ADAMTS4: variants seen among roughly 807,000 people sequenced by gnomAD.
ADAMTS4 encodes ADAM metallopeptidase with thrombospondin type 1 motif 4, also known as A disintegrin and metalloproteinase with thrombospondin motifs 4.
In ADAMTS4, 38 loss-of-function variants were observed where a neutral mutation model predicts 66.7. The ratio of observed to expected loss-of-function variants is 0.57; its 90% CI spans 0.44 to 0.75. The LOEUF (loss-of-function observed/expected upper bound fraction) is 0.75, where lower values mean the gene tolerates loss of function less well. ADAMTS4 is among the 30% of genes least tolerant of loss of function. The probability of loss-of-function intolerance (pLI) is 0.00; values close to 1 mark genes in which losing one functional copy is unlikely to be tolerated. For synonymous variants in ADAMTS4, 418 were observed against 461.5 expected, an observed-to-expected ratio of 0.91 and a Z score of 1.21; for missense variants, 1,014 against 1,116.7, an observed-to-expected ratio of 0.91 and a Z score of 1.31.
Position 161,196,715 on chromosome 1 carries a change from T to A in ADAMTS4, c.799A>T (p.Thr267Ser), listed in dbSNP as rs1301940748. ...SIRNPVSLVV[T>S]RLVILGSGEE... ...CCTGACCCCAGGATCACTAGCCGAGTCACCACCAAGCTGACAGGATTGCGG... is the reference window on the plus strand; with the variant it reads ...CCTGACCCCAGGATCACTAGCCGAGACACCACCAAGCTGACAGGATTGCGG... Residue 267 changes from threonine (T) to serine (S), a missense_variant, in exon 2 of 9, where the codon ACT becomes TCT. Thr to Ser is a moderately conservative substitution (Grantham distance 58, BLOSUM62 1). Transcript: ENST00000367996. The A allele has an allele frequency of 5.6e-6, 9 of 1,613,688 alleles. No individual in the cohort carries two copies. The highest frequency in any genetic ancestry group is 3.3e-5 in the Admixed American group (2 of 60,000).
intron 3 of ADAMTS4, 98 bp from the exon 4 acceptor site, chr1:161,195,733 C>A: frequency 8.3e-7 from 1 of 1,202,346 alleles, no homozygotes; most frequent in Non-Finnish European, 1.2e-6. Flanking sequence ...TGATCAGATC[C>A]ATTACCCACC....
Position 161,198,138 on chromosome 1 carries a change from G to C in ADAMTS4, c.490C>G (p.Pro164Ala). ...QYRGAELHLQPLEGGTPNSAG... is the reference protein window; with the variant it reads ...QYRGAELHLQALEGGTPNSAG... ...GAGTTAGGGGTGCCTCCCTCCAGGGGCTGGAGGTGGAGTTCAGCCCCCCGA... is the reference window on the plus strand; with the variant it reads ...GAGTTAGGGGTGCCTCCCTCCAGGGCCTGGAGGTGGAGTTCAGCCCCCCGA... Residue 164 changes from proline to alanine, a missense_variant, in exon 1 of 9, where the codon CCC becomes GCC. Transcript: ENST00000367996. The surrounding 1 kb of genome is among the most constrained non-coding windows in gnomAD (Gnocchi z 4.7). 6.2e-7 allele frequency: 1 copy of C among 1,614,034 alleles called. No homozygotes were observed. Among genetic ancestry groups the C allele is most frequent in the Non-Finnish European group, 8.5e-7 (1 of 1,179,966 alleles).
intron 8 of ADAMTS4, among the ~76,000 whole-genome samples, chr1:161,191,829 A>C (rs1664690985): frequency 6.6e-6 from 1 of 152,032 alleles, no homozygotes; most frequent in Admixed American, 6.5e-5. Context: ...CCTCCTTCTG[A>C]GACTCAGCTC....
chr1:161,195,576 A>G lies in ADAMTS4; in HGVS notation c.1150T>C (p.Leu384=). The change falls in exon 4 of 9, where the codon TTG becomes CTG. Residue 384 remains leucine, a synonymous_variant. Coordinates refer to ENST00000367996, the MANE Select transcript of ADAMTS4 (RefSeq NM_005099.6). The part of the protein sequence containing the change: ...SKPCISLNGP[L]STSRHVMAPV... ...GCCATGACATGGCGAGAGGTGCTCAAAGGCCCATTCAAACTGATGCATGGC... is the reference window on the plus strand; with the variant it reads ...GCCATGACATGGCGAGAGGTGCTCAGAGGCCCATTCAAACTGATGCATGGC... 1 of 1,614,022 alleles carries G rather than the reference A, an allele frequency of 6.2e-7. No homozygotes were observed. The highest frequency in any genetic ancestry group is 8.5e-7 in the Non-Finnish European group (1 of 1,179,944).
At chr1:161,197,051 A>G (rs888819056) in intron 1 of ADAMTS4, 171 bp from the exon 2 acceptor site, 6 of 611,934 alleles carry the variant, frequency 9.8e-6, no homozygotes, top group African/African-American at 3.7e-5. Flanking sequence ...CCTTCCCCCA[A>G]CGCCAAATCT....
chr1:161,191,470 C>A lies in ADAMTS4; in HGVS notation c.2182G>T (p.Ala728Ser). 6.2e-7 allele frequency: 1 copy of A among 1,614,152 alleles called. No homozygotes were observed. Among genetic ancestry groups the A allele is most frequent in the Non-Finnish European group, 8.5e-7 (1 of 1,179,990 alleles). Residue 728 changes from alanine (A) to serine (S), a missense_variant, in exon 9 of 9, where the codon GCC becomes TCC. Ala to Ser is a moderately conservative substitution (Grantham distance 99, BLOSUM62 1). Coordinates refer to ENST00000367996, the MANE Select transcript of ADAMTS4 (RefSeq NM_005099.6). ...TAGGAGCCATCTGGCAGCTTCAGGGCCAAGTAGATGCTCCGGTGGCCAGGG... is the reference window on the plus strand; with the variant it reads ...TAGGAGCCATCTGGCAGCTTCAGGGACAAGTAGATGCTCCGGTGGCCAGGG... Reference protein sequence around the residue: ...GNPGHRSIYLALKLPDGSYAL... With the variant: ...GNPGHRSIYLSLKLPDGSYAL...
chr1:161,192,224 G>C lies in ADAMTS4; in HGVS notation c.1928C>G (p.Pro643Arg). Residue 643 changes from proline to arginine, a missense_variant, in exon 8 of 9, where the codon CCC becomes CGC. By Grantham distance (103) the Pro-to-Arg change is moderately radical. Coordinates refer to ENST00000367996, the MANE Select transcript of ADAMTS4 (RefSeq NM_005099.6). The part of the protein sequence containing the change: ...VLEPRVVDGT[P>R]CSPDSSSVCV... Reference sequence around the variant, plus strand: ...GACCGAGGAGCTGTCCGGGGAACAGGGGGTCCCATCTACCACCTGAGGAAA... The same window carrying C: ...GACCGAGGAGCTGTCCGGGGAACAGCGGGTCCCATCTACCACCTGAGGAAA... 1 of 1,613,754 alleles carries C rather than the reference G, an allele frequency of 6.2e-7. No individual in the cohort carries two copies. Among genetic ancestry groups the C allele is most frequent in the Non-Finnish European group, 8.5e-7 (1 of 1,179,822 alleles).
Position 161,191,041 on chromosome 1 carries a change from C to A in ADAMTS4, c.*97G>T. On this transcript the variant is annotated 3_prime_UTR_variant, in exon 9 of 9. Transcript: ENST00000367996. ...AGGTCTCACGCCCACAGCCCCTCCC[C>A]ACTGAGTCTTAGCATGAGGCAGCAA... The A allele has an allele frequency of 1.4e-6, 2 of 1,380,044 alleles. No individual in the cohort carries two copies. Among genetic ancestry groups the A allele is most frequent in the East Asian group, 2.3e-5 (1 of 42,804 alleles). 85.5% of individuals were successfully genotyped at this position (1,380,044 alleles called of 1,614,324 possible).
At position 161,198,481 on chromosome 1, in the gene ADAMTS4, G is replaced by A. The variant is rs752003453; in HGVS notation, c.147C>T (p.Ala49=). 1.3e-6 allele frequency: 2 copies of A among 1,569,298 alleles called. No individual in the cohort carries two copies. Among genetic ancestry groups the A allele is most frequent in the East Asian group, 2.4e-5 (1 of 42,126 alleles). The change falls in exon 1 of 9, where the codon GCC becomes GCT. Residue 49 remains alanine (A), a synonymous_variant. Transcript: ENST00000367996. This position sits in a 1 kb window ranked among gnomAD's most constrained non-coding sequence, Gnocchi z 4.7. The stretch of plus-strand genomic sequence containing the variant: ...CCCGGGGGAGGGGGCTGGCCAGCCG[G>A]GCTGAGGGCAGGAGAGAGGCCAGCA... ...LLLLASLLPS[A]RLASPLPREE...
In ADAMTS4 at chr1:161,191,130, T is replaced by C; in HGVS notation, c.*8A>G. ...CGGTGCCCAGAAAGGGCAGCCGGGA[T>C]AGTGAGGTTATTTCCTGCCCGCCCA... On this transcript the variant is annotated 3_prime_UTR_variant, in exon 9 of 9. Coordinates refer to ENST00000367996, the MANE Select transcript of ADAMTS4 (RefSeq NM_005099.6). 1 of 1,534,840 alleles carries C rather than the reference T, an allele frequency of 6.5e-7. No individual in the cohort carries two copies. The highest frequency in any genetic ancestry group is 8.8e-7 in the Non-Finnish European group (1 of 1,138,546).
At position 161,192,128 on chromosome 1, in the gene ADAMTS4, C is replaced by T; in HGVS notation, c.2024G>A (p.Cys675Tyr). The T allele has an allele frequency of 1.9e-6, 3 of 1,614,102 alleles. No individual in the cohort carries two copies. The highest frequency in any genetic ancestry group is 2.5e-6 in the Non-Finnish European group (3 of 1,180,022). ...IIGSKKKFDK[C>Y]MVCGGDGSGC... ...AGAACCGTCCCCTCCGCACACCATGCACTTGTCAAACTTCTTCTTGGAGCC... is the reference window on the plus strand; with the variant it reads ...AGAACCGTCCCCTCCGCACACCATGTACTTGTCAAACTTCTTCTTGGAGCC... Residue 675 changes from cysteine to tyrosine, a missense_variant, in exon 8 of 9, where the codon TGC becomes TAC. By Grantham distance (194) the Cys-to-Tyr change is radical (BLOSUM62 -2). Transcript: ENST00000367996.
In ADAMTS4 at chr1:161,188,231, C is replaced by CTTTTTTTTTTTTTTTTT; in HGVS notation, c.*2890_*2906dup. 1.7e-5 allele frequency: 1 copy of CTTTTTTTTTTTTTTTTT among 58,710 alleles called. No homozygotes were observed. 3.6% of individuals were successfully genotyped at this position (58,710 alleles called of 1,614,324 possible). On this transcript the variant is annotated 3_prime_UTR_variant, in exon 9 of 9. Transcript: ENST00000367996. Reference sequence around the variant, plus strand: ...CAGGTGTGAGCCACCATGCCTGGCCCTTTTTTTTTTTTTTTTTTTTTTTTT... The same window carrying CTTTTTTTTTTTTTTTTT: ...CAGGTGTGAGCCACCATGCCTGGCCCTTTTTTTTTTTTTTTTTTTTTTTTTTTTTTTTTTTTTTTTTT...
At position 161,198,592 on chromosome 1, in the gene ADAMTS4, C is replaced by T. The variant is rs1465771048; in HGVS notation, c.36G>A (p.Leu12=). ...GGGCTCCCCACAGCCAGCGCCCTGCCAAGCCCCTCCCGGGATGCGAGCCTG... is the reference window on the plus strand; with the variant it reads ...GGGCTCCCCACAGCCAGCGCCCTGCTAAGCCCCTCCCGGGATGCGAGCCTG... ...SQTGSHPGRG[L]AGRWLWGAQP... is the part of the protein sequence containing the mutation. The change falls in exon 1 of 9, where the codon TTG becomes TTA. Residue 12 remains leucine (L), a synonymous_variant. Transcript: ENST00000367996. This position sits in a 1 kb window ranked among gnomAD's most constrained non-coding sequence, Gnocchi z 4.7. 6.5e-7 allele frequency: 1 copy of T among 1,534,656 alleles called. No homozygotes were observed. Among genetic ancestry groups the T allele is most frequent in the South Asian group, 1.2e-5 (1 of 80,754 alleles).
At position 161,196,492 on chromosome 1, in the gene ADAMTS4, G is replaced by GTCTA. The variant is rs760700670; in HGVS notation, c.957+61_957+64dup. 3.2e-6 allele frequency: 5 copies of GTCTA among 1,550,274 alleles called. No individual in the cohort carries two copies. In the African/African-American group the frequency reaches 6.8e-5, roughly 21 times the overall value. ...CTCCAGGAACATCATTTGCATCATA[G>GTCTA]TCTATGTAGTGGCGCTTCTTAGAAT... On this transcript the variant is annotated intron_variant, in intron 2 of 8. Transcript: ENST00000367996.
rs1167201437 is a variant in ADAMTS4 at position 161,196,735 on chromosome 1, T to C, written c.779A>G (p.Asn260Ser). ...CCGAGTCACCACCAAGCTGACAGGA[T>C]TGCGGATGCTTGGGTGCTTGAAGGC... is the stretch of plus-strand genomic sequence containing the variant. ...AKAFKHPSIR[N>S]PVSLVVTRLV... Residue 260 changes from asparagine (N) to serine (S), a missense_variant, in exon 2 of 9, where the codon AAT becomes AGT. Asn to Ser is a conservative substitution (Grantham distance 46, BLOSUM62 1). Transcript: ENST00000367996. 2 of 1,613,622 alleles carry C rather than the reference T, an allele frequency of 1.2e-6. No homozygotes were observed. Among genetic ancestry groups the C allele is most frequent in the African/African-American group, 1.3e-5 (1 of 74,926 alleles).
intron 3 of ADAMTS4, 25 bp downstream of exon 3, chr1:161,196,146 C>T (rs1310694460): frequency 1.3e-6 from 2 of 1,548,296 alleles, no homozygotes; most frequent in Non-Finnish European, 1.8e-6. Context: ...CTCCCTAATA[C>T]CTTTCTCATC....
Position 161,188,116 on chromosome 1 carries a change from A to G in ADAMTS4, c.*3022T>C, listed in dbSNP as rs1475110691. ...AGGCGCTTGCCACCACACCTGGCTA[A>G]TTTTTTGTATTTTTTTTTTAGTAGA... is the stretch of plus-strand genomic sequence containing the variant. On this transcript the variant is annotated 3_prime_UTR_variant, in exon 9 of 9. Transcript: ENST00000367996. The G allele has an allele frequency of 6.8e-6, 1 of 147,668 alleles. No homozygotes were observed. Among genetic ancestry groups the G allele is most frequent in the African/African-American group, 2.5e-5 (1 of 39,754 alleles). 9.1% of individuals were successfully genotyped at this position (147,668 alleles called of 1,614,324 possible). A position where few individuals can be genotyped will look rare whatever the true frequency, so the allele number is the denominator to read the frequency against.
intron 4 of ADAMTS4, among the ~76,000 whole-genome samples, chr1:161,195,263 C>T (rs926993460): frequency 2.0e-5 from 3 of 152,204 alleles, no homozygotes; most frequent in African/African-American, 7.2e-5. Flanking sequence ...AGCCAAAATT[C>T]GCCTCCTCTA....
Position 161,198,063 on chromosome 1 carries a change from C to T in ADAMTS4, c.565G>A (p.Gly189Ser), listed in dbSNP as rs749313727. 14 of 1,608,274 alleles carry T rather than the reference C, an allele frequency of 8.7e-6. No individual in the cohort carries two copies. The highest frequency in any genetic ancestry group is 2.2e-5 in the East Asian group (1 of 44,752). ...HILRRKSPAS[G>S]QGPMCNVKAP... ...TTGACGTTGCACATGGGACCTTGAC[C>T]GCTGGCAGGACTCTTCCGGCGTAGG... is the stretch of plus-strand genomic sequence containing the variant. Residue 189 changes from glycine to serine, a missense_variant, in exon 1 of 9, where the codon GGT becomes AGT. Physicochemically the swap from Gly to Ser is moderately conservative, Grantham distance 56 (BLOSUM62 0). Transcript: ENST00000367996. This position sits in a 1 kb window ranked among gnomAD's most constrained non-coding sequence, Gnocchi z 4.7.
Sources: allele counts gnomAD v4.1 joint callset (sites outside exome capture counted in the v4.1 genomes callset), GRCh38; gene constraint gnomAD v4.1.1; non-coding constraint Gnocchi (gnomAD v3.1); transcripts MANE v1.5; gene names NCBI Gene and HGNC (gene_info 2026-07-23, HGNC 2026-07-21).